The following PTPRD variants were observed in gnomAD, a reference collection of about 807,000 sequenced individuals.
PTPRD encodes protein tyrosine phosphatase receptor type D.
A neutral mutation model predicts 214.5 loss-of-function variants in PTPRD; 34 were observed. The observed-to-expected ratio is 0.16, with a 90% CI of 0.12 to 0.21. The LOEUF (loss-of-function observed/expected upper bound fraction) is 0.21, where lower values mean the gene tolerates loss of function less well. PTPRD is among the 10% of genes least tolerant of loss of function. The pLI, the probability that PTPRD is intolerant of heterozygous loss-of-function variation, is 1.00. For missense variants in PTPRD, 2,545 were observed against 2,398.7 expected (o/e 1.06, Z -1.27); for synonymous variants, 1,128 against 845.7 (o/e 1.33, Z -5.79).
rs572645600 is a variant in PTPRD at position 8,329,992 on chromosome 9, G to T, written c.5534+1590C>A. Among the ~76,000 whole-genome samples the T allele has an allele frequency of 4.7e-5, 7 of 148,570 alleles. No individual in the cohort carries two copies. In the East Asian group the frequency reaches 1.4e-3, roughly 30 times the overall value. On this transcript the variant is annotated intron_variant, in intron 44 of 45. Transcript: ENST00000381196. ...TATCTTGCTGGGCTCTGTGGGGGTG[G>T]GACACACCAAGCCAGGCACTGGAGG...
At chr9:9,491,664 A>C (rs547553371) in intron 8 of PTPRD, among the ~76,000 whole-genome samples, 1 of 152,062 alleles carries the variant, frequency 6.6e-6, no homozygotes, top group Non-Finnish European at 1.5e-5. Context: ...TATTTTTGGA[A>C]AATAACACAC....
chr9:10,300,899 CAG>C (rs1196919057), intron 3 of PTPRD, among the ~76,000 whole-genome samples: 1 of 152,088 alleles, frequency 6.6e-6, no homozygotes, highest in Admixed American at 6.5e-5. Context: ...TCTCCCAGCA[CAG>C]TGTTCGAGCT....
chr9:10,326,743 T>A (rs1049474683), intron 3 of PTPRD, among the ~76,000 whole-genome samples: 26 of 151,604 alleles, frequency 1.7e-4, no homozygotes, highest in Non-Finnish European at 3.5e-4. Flanking sequence ...ATAAACATTT[T>A]TGTGTTTTTG....
intron 2 of PTPRD, among the ~76,000 whole-genome samples, chr9:10,467,888 A>T (rs990832955): frequency 2.6e-5 from 4 of 152,206 alleles, no homozygotes; most frequent in Admixed American, 1.3e-4. Flanking sequence ...GCCAGCTAAC[A>T]TATGAAAAAA....
intron 8 of PTPRD, among the ~76,000 whole-genome samples, chr9:9,487,782 A>C (rs2095713590): frequency 6.6e-6 from 1 of 152,252 alleles, no homozygotes. Flanking sequence ...TTAGATTTCC[A>C]GTGACAGAAG....
At chr9:8,698,161 TG>T (rs1385932569) in intron 12 of PTPRD, among the ~76,000 whole-genome samples, 1 of 152,216 alleles carries the variant, frequency 6.6e-6, no homozygotes, top group Non-Finnish European at 1.5e-5. Context: ...GGATCAAAGT[TG>T]ATGATGTAGA....
intron 12 of PTPRD, chr9:8,713,620 G>A: frequency 6.5e-7 from 1 of 1,534,840 alleles, no homozygotes; most frequent in Admixed American, 1.7e-5. Flanking sequence ...GACCACCGCG[G>A]GCGCTGTCAC....
chr9:8,964,684 G>A (rs1249336327), intron 11 of PTPRD, among the ~76,000 whole-genome samples: 1 of 151,988 alleles, frequency 6.6e-6, no homozygotes, highest in Admixed American at 6.6e-5. Flanking sequence ...TTTGAAGCAG[G>A]CATTTAGAAC....
intron 2 of PTPRD, among the ~76,000 whole-genome samples, chr9:10,454,627 C>G (rs1225844809): frequency 6.6e-6 from 1 of 151,614 alleles, no homozygotes; most frequent in East Asian, 1.9e-4. Context: ...TCTTCTCTCC[C>G]ATAGTTCTTG....
chr9:8,610,033 C>T (rs1381945326), intron 14 of PTPRD, among the ~76,000 whole-genome samples: 2 of 152,172 alleles, frequency 1.3e-5, no homozygotes, highest in Non-Finnish European at 1.5e-5. Flanking sequence ...TTCTACCTAT[C>T]CCTCAGGACT....
At chr9:8,323,129 G>A (rs756917167) in intron 44 of PTPRD, among the ~76,000 whole-genome samples, 13 of 152,130 alleles carry the variant, frequency 8.5e-5, no homozygotes, top group Non-Finnish European at 1.3e-4. Context: ...TAAGACATCC[G>A]TTTATAGCAT....
intron 9 of PTPRD, among the ~76,000 whole-genome samples, chr9:9,361,939 T>C (rs574743730): frequency 6.6e-6 from 1 of 151,222 alleles, no homozygotes; most frequent in South Asian, 2.1e-4. Flanking sequence ...GTTTTTCTCA[T>C]ATATGTTGGA....
intron 9 of PTPRD, among the ~76,000 whole-genome samples, chr9:9,324,651 C>T (rs1240044725): frequency 6.6e-6 from 1 of 152,128 alleles, no homozygotes; most frequent in African/African-American, 2.4e-5. Flanking sequence ...TGCCTGTTCA[C>T]TCTGATGGTA....
chr9:10,389,080 A>C (rs1254107639), intron 2 of PTPRD, among the ~76,000 whole-genome samples: 1 of 151,876 alleles, frequency 6.6e-6, no homozygotes, highest in East Asian at 1.9e-4. Flanking sequence ...AACGTGGCCA[A>C]AGATTTTCAA....
chr9:9,939,737 C>T (rs10978117), intron 4 of PTPRD, among the ~76,000 whole-genome samples: 39,315 of 152,000 alleles, frequency 0.26, 5,832 homozygotes, highest in Middle Eastern at 0.46. Flanking sequence ...CTTGGAACCA[C>T]TTATTTTGTC....
chr9:9,365,398 C>T (rs2057596944), intron 9 of PTPRD, among the ~76,000 whole-genome samples: 1 of 151,490 alleles, frequency 6.6e-6, no homozygotes, highest in African/African-American at 2.4e-5. Context: ...GAAATAATGT[C>T]TTTATTCATT....
rs2098982871 is a variant in PTPRD, at chr9:8,934,520, A to AT, written c.-104+84176_-104+84177insA. Among the ~76,000 whole-genome samples, 82 of 17,046 alleles carry AT rather than the reference A, an allele frequency of 4.8e-3. 6 individuals are homozygous for AT. The highest frequency in any genetic ancestry group is 0.021 in the East Asian group (8 of 384). The allele number at this position is 17,046 out of a possible 152,430, so 11.2% of individuals were successfully genotyped here. A position where few individuals can be genotyped will look rare whatever the true frequency, so the allele number is the denominator to read the frequency against. On this transcript the variant is annotated intron_variant, in intron 11 of 45. Coordinates refer to ENST00000381196, the MANE Select transcript of PTPRD (RefSeq NM_002839.4). ...ATATATATATAAATATATATATATA[A>AT]ATATATATATATATGGGAAACCATA...
intron 11 of PTPRD, among the ~76,000 whole-genome samples, chr9:9,017,354 T>C (rs1049115448): frequency 6.6e-6 from 1 of 152,140 alleles, no homozygotes; most frequent in African/African-American, 2.4e-5. Context: ...ATCTGTGTAT[T>C]ACAGTTGAGA....
intron 10 of PTPRD, among the ~76,000 whole-genome samples, chr9:9,088,014 T>G (rs537091036): frequency 6.7e-6 from 1 of 149,734 alleles, no homozygotes; most frequent in Non-Finnish European, 1.5e-5. Context: ...CCTGAGTAGC[T>G]GGAATTACAA....
Sources: allele counts gnomAD v4.1 joint callset (sites outside exome capture counted in the v4.1 genomes callset), GRCh38; gene constraint gnomAD v4.1.1; transcripts MANE v1.5; gene names NCBI Gene and HGNC (gene_info 2026-07-23, HGNC 2026-07-21).